Variants in ZFAT observed in about 807,000 individuals in gnomAD.
ZFAT encodes zinc finger and AT-hook domain containing, also known as zinc finger protein ZFAT.
A neutral mutation model predicts 117.7 loss-of-function variants in ZFAT; 64 were observed. The ratio of observed to expected loss-of-function variants is 0.54; its 90% CI spans 0.44 to 0.67. ZFAT has a LOEUF of 0.67. Ranked by LOEUF, ZFAT falls within the 30% of genes least tolerant of loss-of-function variation. The pLI, the probability that ZFAT is intolerant of heterozygous loss-of-function variation, is 0.00. For synonymous variants in ZFAT, 679 were observed against 615.0 expected, an observed-to-expected ratio of 1.10 and a Z score of -1.54; for missense variants, 1,433 against 1,584.5, an observed-to-expected ratio of 0.90 and a Z score of 1.62.
rs148745096 is a variant in ZFAT at position 134,712,985 on chromosome 8, A to C, written c.-122T>G. On this transcript the variant is annotated 5_prime_UTR_variant, in exon 1 of 16. Coordinates refer to ENST00000377838, the MANE Select transcript of ZFAT (RefSeq NM_020863.4). ...TTTTTATTTTTATTTTTTTAAGAAA[A>C]GAGCCGGCGAGGTTATGGCGAATCT... 9.2e-6 allele frequency: 11 copies of C among 1,196,520 alleles called. No homozygotes were observed. In the African/African-American group the frequency reaches 1.8e-4, roughly 19 times the overall value. The allele number at this position is 1,196,520 out of a possible 1,614,324, so 74.1% of individuals were successfully genotyped here.
In ZFAT at chr8:134,601,902, G is replaced by A; in HGVS notation, c.1817C>T (p.Ala606Val). ...CTTCTCAGGAGCAGCATGAGCCTCT[G>A]CGGAGGAGGTATCATTTTTCAACAA... ...DFLLKNDTSS[A>V]EAHAAPEKPP... Residue 606 changes from alanine (A) to valine (V), a missense_variant, in exon 6 of 16, where the codon GCA (alanine) becomes GTA (valine). Physicochemically the swap from Ala to Val is moderately conservative, Grantham distance 64. Transcript: ENST00000377838. The A allele has an allele frequency of 1.9e-6, 3 of 1,613,950 alleles. No homozygotes were observed. Among genetic ancestry groups the A allele is most frequent in the African/African-American group, 1.3e-5 (1 of 75,056 alleles).
intron 3 of ZFAT, among the ~76,000 whole-genome samples, chr8:134,631,725 C>T (rs1371552729): frequency 6.6e-6 from 1 of 152,150 alleles, no homozygotes; most frequent in Non-Finnish European, 1.5e-5. Context: ...GAGCACAGGC[C>T]ATACTTGTGA....
chr8:134,643,929 T>C (rs1830729718), intron 2 of ZFAT, among the ~76,000 whole-genome samples: 1 of 152,186 alleles, frequency 6.6e-6, no homozygotes, highest in African/African-American at 2.4e-5. Context: ...CCAGGGCAGA[T>C]CAGAGTGCTC....
chr8:134,607,588 A>T (rs1827985975), intron 5 of ZFAT, among the ~76,000 whole-genome samples: 2 of 152,258 alleles, frequency 1.3e-5, no homozygotes, highest in Non-Finnish European at 2.9e-5. Flanking sequence ...CCCAGCACAT[A>T]AGAGGTGTTC....
intron 1 of ZFAT, among the ~76,000 whole-genome samples, chr8:134,666,776 A>G (rs754114121): frequency 6.6e-6 from 1 of 152,236 alleles, no homozygotes; most frequent in South Asian, 2.1e-4. Flanking sequence ...GACTGTAACA[A>G]AAGATTAACA....
intron 1 of ZFAT, among the ~76,000 whole-genome samples, chr8:134,676,677 A>G (rs1459421176): frequency 1.3e-5 from 2 of 152,230 alleles, no homozygotes; most frequent in Non-Finnish European, 1.5e-5. Context: ...TTATTCTAAA[A>G]TTGACCACAT....
At chr8:134,720,632 C>T in the ZFAT span, among the ~76,000 whole-genome samples, 1 of 152,218 alleles carries the variant, frequency 6.6e-6, no homozygotes, top group African/African-American at 2.4e-5. Flanking sequence ...GAGGACGATC[C>T]AGGGCGGGCC....
intron 5 of ZFAT, among the ~76,000 whole-genome samples, chr8:134,605,082 G>A (rs6986191): frequency 0.28 from 42,726 of 152,086 alleles, 6,391 homozygotes; most frequent in East Asian, 0.54. Flanking sequence ...GGTTCCCCTC[G>A]AGGATAGTGA....
In ZFAT at chr8:134,602,891, G is replaced by A; in HGVS notation, c.828C>T (p.Cys276=). The A allele has an allele frequency of 6.2e-7, 1 of 1,613,710 alleles. No homozygotes were observed. Among genetic ancestry groups the A allele is most frequent in the Non-Finnish European group, 8.5e-7 (1 of 1,179,776 alleles). ...AGTGCTTGAACTTGAAGACCTTGTTGCAGTATTCACAAGTGAAGATTTTGA... is the reference window on the plus strand; with the variant it reads ...AGTGCTTGAACTTGAAGACCTTGTTACAGTATTCACAAGTGAAGATTTTGA... The part of the protein sequence containing the change: ...TQLKIFTCEY[C]NKVFKFKHSL... The change falls in exon 6 of 16, where the codon TGC becomes TGT. Residue 276 remains cysteine (C), a synonymous_variant. Transcript: ENST00000377838.
the ZFAT span, among the ~76,000 whole-genome samples, chr8:134,804,703 C>T: frequency 5.9e-5 from 9 of 152,298 alleles, no homozygotes; most frequent in Middle Eastern, 3.4e-3. Flanking sequence ...AAGCTCGAGA[C>T]GGCATATCCT....
the ZFAT span, among the ~76,000 whole-genome samples, chr8:134,831,676 C>A: frequency 6.6e-6 from 1 of 152,124 alleles, no homozygotes; most frequent in Non-Finnish European, 1.5e-5. Context: ...GGTCCCCCCA[C>A]TTCACGAGCC....
At chr8:134,720,540 G>A in the ZFAT span, among the ~76,000 whole-genome samples, 28 of 152,342 alleles carry the variant, frequency 1.8e-4, no homozygotes, top group Admixed American at 7.8e-4. Context: ...GAGATCTGAA[G>A]TGTGATGAGA....
At chr8:134,830,177 AAGAG>A in the ZFAT span, among the ~76,000 whole-genome samples, 1 of 152,194 alleles carries the variant, frequency 6.6e-6, no homozygotes, top group Admixed American at 6.5e-5. Context: ...TCCCTTGAAA[AAGAG>A]AGAAGAGAGA....
chr8:134,773,336 C>A, the ZFAT span, among the ~76,000 whole-genome samples: 5 of 152,148 alleles, frequency 3.3e-5, no homozygotes, highest in Non-Finnish European at 5.9e-5. Flanking sequence ...AGTGTTGAGA[C>A]CTACTGCTCA....
intron 3 of ZFAT, among the ~76,000 whole-genome samples, chr8:134,633,385 T>C (rs1830013166): frequency 6.6e-6 from 1 of 152,236 alleles, no homozygotes; most frequent in Non-Finnish European, 1.5e-5. Context: ...TCATTTAAGA[T>C]AATGGCATAA....
chr8:134,546,442 C>CT (rs1164049148), intron 11 of ZFAT, among the ~76,000 whole-genome samples: 1 of 152,068 alleles, frequency 6.6e-6, no homozygotes, highest in African/African-American at 2.4e-5. Flanking sequence ...AAGCTAGCAC[C>CT]AAGTCACCCT....
the ZFAT span, among the ~76,000 whole-genome samples, chr8:134,770,786 A>C: frequency 2.6e-5 from 4 of 152,160 alleles, no homozygotes; most frequent in African/African-American, 4.8e-5. Flanking sequence ...GAGAATGTGC[A>C]CCTGCGGGTA....
the ZFAT span, among the ~76,000 whole-genome samples, chr8:134,813,132 C>T: frequency 6.6e-6 from 1 of 152,206 alleles, no homozygotes; most frequent in Admixed American, 6.5e-5. Context: ...CTTATTCACC[C>T]TTTCACAGAA....
intron 2 of ZFAT, among the ~76,000 whole-genome samples, chr8:134,647,001 C>T (rs1285421632): frequency 6.6e-6 from 1 of 152,114 alleles, no homozygotes; most frequent in African/African-American, 2.4e-5. Flanking sequence ...TTTACTCAAG[C>T]TCTTCAAAAA....
Sources: allele counts gnomAD v4.1 joint callset (sites outside exome capture counted in the v4.1 genomes callset), GRCh38; gene constraint gnomAD v4.1.1; transcripts MANE v1.5; gene names NCBI Gene and HGNC (gene_info 2026-07-23, HGNC 2026-07-21).